HTT: variants seen among roughly 807,000 people sequenced by gnomAD.
HTT encodes huntingtin, also known as huntington disease protein.
HTT carries 104 observed loss-of-function variants against 362.3 expected under a neutral mutation model. That is an observed-to-expected ratio of 0.29 (90% CI 0.24 to 0.34). The LOEUF is 0.34. Among genes scored for constraint, HTT ranks in the 10% least tolerant of loss-of-function variants. HTT has a pLI of 1.00. For synonymous variants in HTT, 1,577 were observed against 1,548.7 expected, an observed-to-expected ratio of 1.02 and a Z score of -0.43; for missense variants, 3,301 against 3,928.6, an observed-to-expected ratio of 0.84 and a Z score of 4.27.
rs1578514899 is a variant in HTT, at chr4:3,121,084, G to C, written c.1069-144G>C. The C allele has an allele frequency of 1.2e-5, 7 of 602,606 alleles. No homozygotes were observed. In the East Asian group the frequency reaches 1.9e-4, roughly 17 times the overall value. The allele number at this position is 602,606 out of a possible 1,614,324, so 37.3% of individuals were successfully genotyped here. The stretch of plus-strand genomic sequence containing the variant: ...CAACATGGAAGCTAATGATCACATT[G>C]GTGGAAGTGATAGGGAAATATTTAG... On this transcript the variant is annotated intron_variant, in intron 8 of 66. Transcript: ENST00000355072.
At chr4:3,174,152 G>A (rs1306653238) in intron 31 of HTT, among the ~76,000 whole-genome samples, 1 of 152,120 alleles carries the variant, frequency 6.6e-6, no homozygotes, top group African/African-American at 2.4e-5. Context: ...AGAGTCAGGA[G>A]TCAAGGAAAA....
At chr4:3,212,478 A>C in intron 48 of HTT, 86 bp from the exon 49 acceptor site, 1 of 1,488,924 alleles carries the variant, frequency 6.7e-7, no homozygotes, top group South Asian at 1.2e-5. Flanking sequence ...CTTTCATCAG[A>C]TTCTCAGAGA....
At chr4:3,233,554 C>T (rs924369262) in intron 61 of HTT, among the ~76,000 whole-genome samples, 13 of 152,232 alleles carry the variant, frequency 8.5e-5, no homozygotes, top group African/African-American at 2.4e-4. Context: ...GCACCTCCAG[C>T]GAGCTGGAGC....
chr4:3,123,431 C>T (rs1299368168), intron 10 of HTT: 1 of 152,426 alleles, frequency 6.6e-6, no homozygotes, highest in African/African-American at 2.4e-5. Context: ...GTTACCTTCT[C>T]AGTAAATTTT....
At chr4:3,225,831 C>A in intron 57 of HTT, 88 bp downstream of exon 57, 1 of 862,734 alleles carries the variant, frequency 1.2e-6, no homozygotes, top group South Asian at 1.6e-5. Flanking sequence ...AAGCTCAGTG[C>A]ACTTTTTAAA....
Position 3,175,246 on chromosome 4 carries a change from C to A in HTT, c.4407+139C>A, listed in dbSNP as rs960501377. The stretch of plus-strand genomic sequence containing the variant: ...GTTGCTGCTGCTTATCTTTTTCATG[C>A]ACCTAGCTGGTGCAGAAGGCCTGGG... On this transcript the variant is annotated intron_variant, in intron 33 of 66. Coordinates refer to ENST00000355072, the MANE Select transcript of HTT (RefSeq NM_001388492.1). The A allele has an allele frequency of 7.3e-6, 6 of 816,382 alleles. No homozygotes were observed. The African/African-American group carries it at 1.0e-4, about 14-fold the overall frequency. 50.6% of individuals were successfully genotyped at this position (816,382 alleles called of 1,614,324 possible). A position where few individuals can be genotyped will look rare whatever the true frequency, so the allele number is the denominator to read the frequency against.
At chr4:3,125,703 C>A (rs1578518197) in intron 11 of HTT, 74 bp downstream of exon 11, 2 of 1,087,182 alleles carry the variant, frequency 1.8e-6, no homozygotes, top group African/African-American at 3.1e-5. Context: ...CCTGCTCGTC[C>A]CCCTGCACCT....
chr4:3,204,102 G>C lies in HTT; in HGVS notation c.5672G>C (p.Arg1891Thr). ...DLAAKLGMCNREIVRRGALIL... is the reference protein window; with the variant it reads ...DLAAKLGMCNTEIVRRGALIL... ...GCAGCCAAACTTGGAATGTGCAATAGAGAAATAGTACGAAGAGGGGCTCTC... is the reference window on the plus strand; with the variant it reads ...GCAGCCAAACTTGGAATGTGCAATACAGAAATAGTACGAAGAGGGGCTCTC... The change falls in exon 42 of 67, where the codon AGA becomes ACA. Residue 1891 changes from arginine to threonine, a missense_variant. By Grantham distance (71) the Arg-to-Thr change is moderately conservative. Around this residue, in one of 4 missense-constraint regions of HTT, gnomAD observed 2,316 missense variants for 2,658.5 expected, o/e 0.87. Transcript: ENST00000355072. The C allele has an allele frequency of 6.2e-7, 1 of 1,614,226 alleles. No homozygotes were observed. Among genetic ancestry groups the C allele is most frequent in the Non-Finnish European group, 8.5e-7 (1 of 1,180,022 alleles).
At chr4:3,109,729 C>G (rs986019438) in intron 6 of HTT, among the ~76,000 whole-genome samples, 1 of 152,042 alleles carries the variant, frequency 6.6e-6, no homozygotes, top group African/African-American at 2.4e-5. Flanking sequence ...TGGGTTGAAA[C>G]TGGAGAGAGG....
chr4:3,121,183 A>G lies in HTT; in HGVS notation c.1069-45A>G, dbSNP rs764949064. ...AACAAAAAAGTGAAGCTTAGGATGC[A>G]TTTTATAAACTCTGACCAGAACACC... On this transcript the variant is annotated intron_variant, in intron 8 of 66. Transcript: ENST00000355072. The G allele has an allele frequency of 6.2e-6, 9 of 1,459,964 alleles. No homozygotes were observed. The African/African-American group carries it at 1.1e-4, about 18-fold the overall frequency. 90.4% of individuals were successfully genotyped at this position (1,459,964 alleles called of 1,614,324 possible). A position where few individuals can be genotyped will look rare whatever the true frequency, so the allele number is the denominator to read the frequency against.
chr4:3,177,371 GA>G lies in HTT; in HGVS notation c.4449del (p.Val1484TrpfsTer52). The G allele has an allele frequency of 6.3e-7, 1 of 1,599,102 alleles. No homozygotes were observed. Among genetic ancestry groups the G allele is most frequent in the Non-Finnish European group, 8.5e-7 (1 of 1,174,432 alleles). ...TGTATTGAAACAGTTTGAATACATT[GA>G]AGTGGGCCAGTTCAGGTAATAGCAT... ...GFVLKQFEYI[E>X]VGQFRESEAI... On this transcript the variant is annotated frameshift_variant, in exon 34 of 67. Transcript: ENST00000355072. LOFTEE classifies it high-confidence loss of function.
intron 40 of HTT, among the ~76,000 whole-genome samples, chr4:3,198,856 A>G (rs1719389404): frequency 6.6e-6 from 1 of 152,222 alleles, no homozygotes; most frequent in Admixed American, 6.5e-5. Flanking sequence ...AGGATGCTCC[A>G]TGGCCGGGCA....
At chr4:3,078,049 A>G (rs1712657787) in intron 1 of HTT, among the ~76,000 whole-genome samples, 1 of 151,946 alleles carries the variant, frequency 6.6e-6, no homozygotes, top group African/African-American at 2.4e-5. Context: ...TCAGTTTATG[A>G]GTGTTTGTGC....
At chr4:3,130,111 T>C in intron 13 of HTT, 64 bp downstream of exon 13, 4 of 1,475,834 alleles carry the variant, frequency 2.7e-6, no homozygotes, top group Non-Finnish European at 3.6e-6. Context: ...ATCTTAATTA[T>C]ATCTTTGCTT....
At position 3,087,069 on chromosome 4, in the gene HTT, T is replaced by C. The variant is rs752531212; in HGVS notation, c.347+47T>C. On this transcript the variant is annotated intron_variant, in intron 2 of 66. Coordinates refer to ENST00000355072, the MANE Select transcript of HTT (RefSeq NM_001388492.1). ...TAGAGAAAATAAGAACTTTGTATAT[T>C]TTCAGTCTTAATGGGCTAGAATATT... 2.9e-6 allele frequency: 3 copies of C among 1,043,388 alleles called. No homozygotes were observed. In the South Asian group the frequency reaches 4.3e-5, roughly 15 times the overall value. 64.6% of individuals were successfully genotyped at this position (1,043,388 alleles called of 1,614,324 possible).
chr4:3,192,349 G>A (rs1719050049), intron 40 of HTT, among the ~76,000 whole-genome samples: 1 of 152,124 alleles, frequency 6.6e-6, no homozygotes, highest in Admixed American at 6.5e-5. Flanking sequence ...AAATGCTGAG[G>A]TTATAGGTGT....
chr4:3,135,151 T>C (rs760508007), intron 19 of HTT, among the ~76,000 whole-genome samples: 1 of 152,182 alleles, frequency 6.6e-6, no homozygotes, highest in African/African-American at 2.4e-5. Flanking sequence ...TAAAAAAATG[T>C]AGCTTATATT....
At position 3,127,366 on chromosome 4, in the gene HTT, A is replaced by G; in HGVS notation, c.1505A>G (p.Gln502Arg). ...ATCATCACAGAACAGCCACGGTCAC[A>G]GCACACACTGCAGGCGGACTCAGTG... The part of the protein sequence containing the change: ...HDIITEQPRS[Q>R]HTLQADSVDL... Residue 502 changes from glutamine to arginine, a missense_variant, in exon 12 of 67, where the codon CAG becomes CGG. Transcript: ENST00000355072. The G allele has an allele frequency of 1.2e-6, 2 of 1,614,224 alleles. No individual in the cohort carries two copies. The highest frequency in any genetic ancestry group is 1.7e-6 in the Non-Finnish European group (2 of 1,180,038).
chr4:3,075,210 C>A, intron 1 of HTT, 122 bp downstream of exon 1: 1 of 973,962 alleles, frequency 1.0e-6, no homozygotes, highest in Non-Finnish European at 1.3e-6. Flanking sequence ...GACAGAGTGA[C>A]CCAGCAACCC....
Sources: allele counts gnomAD v4.1 joint callset (sites outside exome capture counted in the v4.1 genomes callset), GRCh38; gene constraint gnomAD v4.1.1; regional missense constraint gnomAD v4.1.1; transcripts MANE v1.5; gene names NCBI Gene and HGNC (gene_info 2026-07-23, HGNC 2026-07-21).